SEM1: variants seen among roughly 807,000 people sequenced by gnomAD.
SEM1 encodes the protein 26S proteasome complex subunit SEM1.
In SEM1, 3 loss-of-function variants were observed where a neutral mutation model predicts 12.7. The observed-to-expected ratio is 0.24, with a 90% CI of 0.11 to 0.61. SEM1 has a LOEUF of 0.61. Ranked by LOEUF, SEM1 falls within the 20% of genes least tolerant of loss-of-function variation. The pLI, the probability that SEM1 is intolerant of heterozygous loss-of-function variation, is 0.88. For missense variants in SEM1, 59 were observed against 81.3 expected, an observed-to-expected ratio of 0.73 and a Z score of 1.06; for synonymous variants, 30 against 27.8, an observed-to-expected ratio of 1.08 and a Z score of -0.25.
In SEM1 at chr7:96,585,285, G is replaced by A. The variant is rs532772638; in HGVS notation, c.171-78587C>T. Among the ~76,000 whole-genome samples the A allele has an allele frequency of 8.8e-4, 134 of 152,312 alleles. 3 individuals carry two copies. The East Asian group carries it at 0.026, about 29-fold the overall frequency. ...TGCCTCCCAGTTAGGCTGCTCAGGG[G>A]TCAGGGGTCAGGGACCCATTGAGGA... On this transcript the variant is annotated intron_variant and NMD_transcript_variant, in intron 2 of 3. Transcript: ENST00000466986.
At chr7:96,582,299 G>A (rs1222342998) in intron 2 of SEM1, among the ~76,000 whole-genome samples, 1 of 148,422 alleles carries the variant, frequency 6.7e-6, no homozygotes, top group African/African-American at 2.5e-5. Context: ...TATTGAACCA[G>A]CCTTGCATCC....
rs933949569 is a variant in SEM1, at chr7:96,661,777, C to T, written c.170+33021G>A. ...CCGAGGCGGGCAGATCACCTGAGGTCGGGAGTTCAAGACTACCCTGACCAA... is the reference window on the plus strand; with the variant it reads ...CCGAGGCGGGCAGATCACCTGAGGTTGGGAGTTCAAGACTACCCTGACCAA... On this transcript the variant is annotated intron_variant, in intron 2 of 2. Coordinates refer to the SEM1 transcript ENST00000417009. Among the ~76,000 whole-genome samples the T allele has an allele frequency of 8.6e-5, 13 of 152,044 alleles. 1 individual carries two copies. Among genetic ancestry groups the T allele is most frequent in the African/African-American group, 1.2e-4 (5 of 41,400 alleles).
chr7:96,598,136 G>A (rs1318757102), intron 2 of SEM1, among the ~76,000 whole-genome samples: 1 of 152,052 alleles, frequency 6.6e-6, no homozygotes, highest in Non-Finnish European at 1.5e-5. Flanking sequence ...AATATGCTGA[G>A]CCAAACTATA....
chr7:96,677,663 TG>T (rs1453832738), intron 2 of SEM1, among the ~76,000 whole-genome samples: 1 of 152,056 alleles, frequency 6.6e-6, no homozygotes, highest in Non-Finnish European at 1.5e-5. Flanking sequence ...AACTATTCAG[TG>T]GTCTGGGCTG....
At chr7:96,691,022 C>T (rs181604710) in intron 2 of SEM1, among the ~76,000 whole-genome samples, 12 of 152,140 alleles carry the variant, frequency 7.9e-5, no homozygotes, top group African/African-American at 2.2e-4. Context: ...CCACCGGCCT[C>T]GGCCTCCCAA....
intron 2 of SEM1, among the ~76,000 whole-genome samples, chr7:96,571,494 G>A (rs1417247711): frequency 6.6e-6 from 1 of 151,646 alleles, no homozygotes; most frequent in Non-Finnish European, 1.5e-5. Flanking sequence ...TGTCAGGTTT[G>A]TCAAAGATGA....
chr7:96,504,443 C>G (rs1803681639), intron 3 of SEM1, among the ~76,000 whole-genome samples: 1 of 152,090 alleles, frequency 6.6e-6, no homozygotes, highest in Admixed American at 6.6e-5. Context: ...AACAAATCCC[C>G]ATGAGCTCAT....
At position 96,615,239 on chromosome 7, in the gene SEM1, A is replaced by ATTTTTTTTTTTT. The variant is rs1421596853; in HGVS notation, c.170+79558_170+79559insAAAAAAAAAAAA. Among the ~76,000 whole-genome samples, 66 of 98,158 alleles carry ATTTTTTTTTTTT rather than the reference A, an allele frequency of 6.7e-4. 9 individuals carry two copies. Among genetic ancestry groups the ATTTTTTTTTTTT allele is most frequent in the African/African-American group, 1.1e-3 (27 of 23,774 alleles). 64.4% of individuals were successfully genotyped at this position (98,158 alleles called of 152,430 possible). ...GGACTGTTGGGTTATTTTTTGAGTC[A>ATTTTTTTTTTTT]TCTTTTTTTTTTTTTTTTTTTTTTT... On this transcript the variant is annotated intron_variant and NMD_transcript_variant, in intron 2 of 3. Transcript: ENST00000466986.
intron 2 of SEM1, among the ~76,000 whole-genome samples, chr7:96,674,163 TA>T (rs1369350237): frequency 6.6e-6 from 1 of 152,178 alleles, no homozygotes. Context: ...TGTAATTACA[TA>T]TTTACACATT....
At chr7:96,675,251 C>T (rs1789421764) in intron 2 of SEM1, among the ~76,000 whole-genome samples, 1 of 152,124 alleles carries the variant, frequency 6.6e-6, no homozygotes, top group African/African-American at 2.4e-5. Context: ...TACAGAGAAT[C>T]AAGAGGAATA....
chr7:96,588,806 T>C (rs1806739636), intron 2 of SEM1, among the ~76,000 whole-genome samples: 1 of 151,964 alleles, frequency 6.6e-6, no homozygotes, highest in Non-Finnish European at 1.5e-5. Context: ...TAAATAAGAA[T>C]CATTCCAATT....
chr7:96,555,961 T>G (rs1805479745), intron 2 of SEM1, among the ~76,000 whole-genome samples: 1 of 143,434 alleles, frequency 7.0e-6, no homozygotes. Context: ...TCTTTGTCTT[T>G]TTTGATCTTT....
intron 2 of SEM1, among the ~76,000 whole-genome samples, chr7:96,612,912 G>A (rs543102698): frequency 6.6e-5 from 10 of 152,304 alleles, no homozygotes; most frequent in Non-Finnish European, 1.2e-4. Flanking sequence ...TGGGATTACA[G>A]GCGTGAGCCA....
In SEM1 at chr7:96,679,651, G is replaced by C. The variant is rs377058320; in HGVS notation, c.171-5792C>G. ...TGATCTGATTGACCTCTTTTGCCAGGACATAAGGTTTAAATTGTCTAGATA... is the reference window on the plus strand; with the variant it reads ...TGATCTGATTGACCTCTTTTGCCAGCACATAAGGTTTAAATTGTCTAGATA... On this transcript the variant is annotated intron_variant, in intron 2 of 2. Coordinates refer to the SEM1 transcript ENST00000413065. Among the ~76,000 whole-genome samples, 68 of 152,106 alleles carry C rather than the reference G, an allele frequency of 4.5e-4. 1 individual carries two copies. The highest frequency in any genetic ancestry group is 1.5e-3 in the African/African-American group (64 of 41,532).
chr7:96,594,773 A>G (rs68189065), intron 2 of SEM1, among the ~76,000 whole-genome samples: 26,411 of 152,178 alleles, frequency 0.17, 2,762 homozygotes, highest in Middle Eastern at 0.31. Flanking sequence ...TCATCTATTA[A>G]TGTATTACAA....
chr7:96,573,938 TA>T (rs1186173108), intron 2 of SEM1, among the ~76,000 whole-genome samples: 1 of 136,988 alleles, frequency 7.3e-6, no homozygotes, highest in Non-Finnish European at 1.6e-5. Context: ...TTTTTTTTTT[TA>T]ATATTTTTTA....
At chr7:96,496,226 T>G (rs1803248488) in intron 1 of SEM1, 7 of 1,044,834 alleles carry the variant, frequency 6.7e-6, no homozygotes, top group Non-Finnish European at 9.9e-6. Context: ...TACTAACTCA[T>G]GTAGAGGATT....
chr7:96,656,946 C>A (rs949676481), intron 2 of SEM1, among the ~76,000 whole-genome samples: 1 of 151,760 alleles, frequency 6.6e-6, no homozygotes, highest in African/African-American at 2.4e-5. Flanking sequence ...ATACATCTGT[C>A]TGTAGCTGTG....
intron 2 of SEM1, among the ~76,000 whole-genome samples, chr7:96,598,370 T>A (rs1807070646): frequency 6.6e-6 from 1 of 151,556 alleles, no homozygotes; most frequent in African/African-American, 2.4e-5. Context: ...TTTTTTTAAA[T>A]ATTGTATAAA....
Sources: gnomAD v4.1 joint callset for allele counts (sites outside exome capture counted in the v4.1 genomes callset) on GRCh38, gnomAD v4.1.1 for gene constraint, MANE v1.5 for transcripts, NCBI Gene and HGNC (gene_info 2026-07-23, HGNC 2026-07-21) for gene names.